RSRP1: variants seen among roughly 807,000 people sequenced by gnomAD.
RSRP1 encodes arginine/serine-rich protein 1.
RSRP1 carries 37 observed loss-of-function variants against 33.0 expected under a neutral mutation model. The ratio of observed to expected loss-of-function variants is 1.12; its 90% CI spans 0.86 to 1.48. RSRP1 has a LOEUF of 1.48. Among genes scored for constraint, RSRP1 ranks in the 40% most tolerant of loss-of-function variants. The pLI is 0.00. For synonymous variants in RSRP1, 167 were observed against 158.7 expected, an observed-to-expected ratio of 1.05 and a Z score of -0.40; for missense variants, 402 against 385.3, an observed-to-expected ratio of 1.04 and a Z score of -0.36.
intron 1 of RSRP1, among the ~76,000 whole-genome samples, chr1:25,292,761 T>C (rs1642626094): frequency 8.3e-6 from 1 of 121,176 alleles, no homozygotes; most frequent in Non-Finnish European, 2.0e-5. Context: ...AATTTGGGAG[T>C]TGTTACAATA....
At chr1:25,275,262 TGGGTGACAGAGTG>T (rs1640862705) in intron 1 of RSRP1, among the ~76,000 whole-genome samples, 2 of 132,326 alleles carry the variant, frequency 1.5e-5, no homozygotes, top group South Asian at 4.7e-4. Flanking sequence ...CACTCCACCC[TGGGTGACAGAGTG>T]GGACTCTGTC....
chr1:25,288,055 T>C (rs1347435550), intron 1 of RSRP1, among the ~76,000 whole-genome samples: 1 of 133,074 alleles, frequency 7.5e-6, no homozygotes, highest in African/African-American at 2.6e-5. Context: ...TCTCACTCTG[T>C]TGTCCAGGCT....
At position 25,273,699 on chromosome 1, in the gene RSRP1, C is replaced by G. The variant is rs536307754; in HGVS notation, c.-66-26670G>C. Among the ~76,000 whole-genome samples, 14 of 123,340 alleles carry G rather than the reference C, an allele frequency of 1.1e-4. 1 individual carries two copies. In the East Asian group the frequency reaches 2.8e-3, roughly 24 times the overall value. 80.9% of individuals were successfully genotyped at this position (123,340 alleles called of 152,430 possible). A position where few individuals can be genotyped will look rare whatever the true frequency, so the allele number is the denominator to read the frequency against. ...AGATGTCCACAATGGTGTGACTTTG[C>G]TTTTTTAAAAATATTGAAATGAGTT... On this transcript the variant is annotated intron_variant, in intron 1 of 1. Coordinates refer to the RSRP1 transcript ENST00000561867.
intron 1 of RSRP1, among the ~76,000 whole-genome samples, chr1:25,307,305 G>T (rs1420622623): frequency 1.5e-5 from 2 of 131,644 alleles, no homozygotes; most frequent in East Asian, 3.9e-4. Flanking sequence ...ACCAGAGGTA[G>T]GTCCTGTGGC....
rs371348099 is a variant in RSRP1, at chr1:25,243,650, A to G, written c.673-17T>C. The G allele has an allele frequency of 3.3e-5, 54 of 1,612,558 alleles. No individual in the cohort carries two copies. The highest frequency in any genetic ancestry group is 4.5e-5 in the Non-Finnish European group (53 of 1,179,314). ...TTCCGACAGCTAGACAGGTTAAGAA[A>G]AAGTGTAATTTTAAAACACATACCC... On this transcript the variant is annotated splice_polypyrimidine_tract_variant and intron_variant, in intron 3 of 4. Coordinates refer to ENST00000243189, the MANE Select transcript of RSRP1 (RefSeq NM_020317.5).
intron 1 of RSRP1, among the ~76,000 whole-genome samples, chr1:25,255,932 G>A (rs1295127671): frequency 1.3e-5 from 2 of 152,070 alleles, no homozygotes; most frequent in East Asian, 1.9e-4. Flanking sequence ...CTCGCCCACC[G>A]CCTGCCTCCT....
chr1:25,300,608 G>C lies in RSRP1; in HGVS notation c.-67+37370C>G, dbSNP rs1172602351. On this transcript the variant is annotated intron_variant, in intron 1 of 1. Coordinates refer to the RSRP1 transcript ENST00000561867. ...GTGGATCGCCTGAGGTCAGGAGTTT[G>C]AGACCAGCCTGGCAAACACGGTGAA... Among the ~76,000 whole-genome samples the C allele has an allele frequency of 1.5e-5, 2 of 130,554 alleles. 1 individual carries two copies. Among genetic ancestry groups the C allele is most frequent in the Non-Finnish European group, 3.6e-5 (2 of 55,422 alleles). The allele number at this position is 130,554 out of a possible 152,430, so 85.6% of individuals were successfully genotyped here.
rs781070735 is a variant in RSRP1 at position 25,246,994 on chromosome 1, C to T, written c.-31G>A. On this transcript the variant is annotated 5_prime_UTR_variant, in exon 2 of 5. Transcript: ENST00000243189. ...CCTGCGGCTTTAGCCTGCGCTTTCT[C>T]CGGAAAGGATCCCGCAAGCCTCAAC... 27 of 1,523,664 alleles carry T rather than the reference C, an allele frequency of 1.8e-5. No individual in the cohort carries two copies. In the Admixed American group the frequency reaches 4.3e-4, roughly 24 times the overall value. 94.4% of individuals were successfully genotyped at this position (1,523,664 alleles called of 1,614,324 possible). A position where few individuals can be genotyped will look rare whatever the true frequency, so the allele number is the denominator to read the frequency against.
chr1:25,260,406 A>G (rs190792572), intron 1 of RSRP1, among the ~76,000 whole-genome samples: 1 of 152,338 alleles, frequency 6.6e-6, no homozygotes, highest in Admixed American at 6.5e-5. Context: ...CAATCTATCA[A>G]TTACAAACTC....
At position 25,301,719 on chromosome 1, in the gene RSRP1, G is replaced by A; in HGVS notation, c.-67+36259C>T. The A allele has an allele frequency of 1.5e-6, 2 of 1,344,574 alleles. 1 individual carries two copies. The highest frequency in any genetic ancestry group is 2.1e-6 in the Non-Finnish European group (2 of 947,964). The allele number at this position is 1,344,574 out of a possible 1,614,324, so 83.3% of individuals were successfully genotyped here. A position where few individuals can be genotyped will look rare whatever the true frequency, so the allele number is the denominator to read the frequency against. Reference sequence around the variant, plus strand: ...GGGCGCTGCCCTTGGGCAGCACTTGGGTCTAACAGGACTAGCACACATATT... The same window carrying A: ...GGGCGCTGCCCTTGGGCAGCACTTGAGTCTAACAGGACTAGCACACATATT... On this transcript the variant is annotated intron_variant, in intron 1 of 1. Coordinates refer to the RSRP1 transcript ENST00000561867.
intron 1 of RSRP1, among the ~76,000 whole-genome samples, chr1:25,278,866 C>A (rs557093041): frequency 2.3e-5 from 3 of 128,448 alleles, no homozygotes; most frequent in African/African-American, 8.0e-5. Flanking sequence ...GTGAGAGTCG[C>A]CGGTAGAGTA....
At chr1:25,254,571 G>A (rs546484773) in intron 1 of RSRP1, among the ~76,000 whole-genome samples, 11 of 152,222 alleles carry the variant, frequency 7.2e-5, no homozygotes, top group Admixed American at 5.9e-4. Context: ...GAGTAGCTGG[G>A]ATTATAGGCG....
intron 1 of RSRP1, among the ~76,000 whole-genome samples, chr1:25,263,177 T>A (rs947914540): frequency 8.6e-5 from 13 of 151,652 alleles, no homozygotes; most frequent in Non-Finnish European, 1.8e-4. Flanking sequence ...TGTATCAGGG[T>A]CAGCAAAGAA....
At chr1:25,249,165 A>G (rs1187779185), upstream of RSRP1, among the ~76,000 whole-genome samples, 1 of 152,138 alleles carries the variant, frequency 6.6e-6, no homozygotes, top group Admixed American at 6.6e-5. Flanking sequence ...AAATAATAAT[A>G]ATAACAACAC....
At chr1:25,299,112 T>G (rs1643182453) in intron 1 of RSRP1, among the ~76,000 whole-genome samples, 1 of 117,222 alleles carries the variant, frequency 8.5e-6, no homozygotes, top group African/African-American at 3.0e-5. Flanking sequence ...CTGGGAGCAG[T>G]GGCTCATGCC....
At position 25,303,733 on chromosome 1, in the gene RSRP1, C is replaced by A. The variant is rs1226038495; in HGVS notation, c.-67+34245G>T. 1.5e-5 allele frequency among the ~76,000 whole-genome samples: 2 copies of A among 131,616 alleles called. 1 individual carries two copies. The highest frequency in any genetic ancestry group is 1.5e-4 in the Admixed American group (2 of 13,708). The allele number at this position is 131,616 out of a possible 152,430, so 86.3% of individuals were successfully genotyped here. A position where few individuals can be genotyped will look rare whatever the true frequency, so the allele number is the denominator to read the frequency against. On this transcript the variant is annotated intron_variant, in intron 1 of 1. Transcript: ENST00000561867. ...GTGTCACAGAACTCAAGGACAGGGA[C>A]TGGAGTGTTGTGGGGAGCCCCGAAG... is the stretch of plus-strand genomic sequence containing the variant.
chr1:25,268,207 T>C (rs111261602), intron 1 of RSRP1, among the ~76,000 whole-genome samples: 2,053 of 132,770 alleles, frequency 0.015, 312 homozygotes, highest in African/African-American at 0.05. Context: ...CAGATTCTCA[T>C]AGGGGAAAGC....
In RSRP1 at chr1:25,309,202, C is replaced by G. The variant is rs192290963; in HGVS notation, c.-67+28776G>C. 8.8e-4 allele frequency among the ~76,000 whole-genome samples: 116 copies of G among 131,844 alleles called. 23 individuals carry two copies. The highest frequency in any genetic ancestry group is 2.9e-3 in the African/African-American group (110 of 38,032). The allele number at this position is 131,844 out of a possible 152,430, so 86.5% of individuals were successfully genotyped here. On this transcript the variant is annotated intron_variant, in intron 1 of 1. Transcript: ENST00000561867. ...ATTGAGTCAGATGCTGTGATCAGAA[C>G]CAGGATGGAGCATTTCCCACAAACT... is the stretch of plus-strand genomic sequence containing the variant.
At chr1:25,321,253 G>C (rs150635986) in intron 1 of RSRP1, among the ~76,000 whole-genome samples, 1,841 of 126,460 alleles carry the variant, frequency 0.015, 286 homozygotes, top group African/African-American at 0.046. Context: ...ACATGGATCA[G>C]CTTTCGTGGG....
Sources: gnomAD v4.1 joint callset for allele counts (sites outside exome capture counted in the v4.1 genomes callset) on GRCh38, gnomAD v4.1.1 for gene constraint, MANE v1.5 for transcripts, NCBI Gene and HGNC (gene_info 2026-07-23, HGNC 2026-07-21) for gene names.